Variants in FOXP2 observed in about 807,000 individuals in gnomAD.
FOXP2 encodes the protein forkhead box protein P2.
A neutral mutation model predicts 115.8 loss-of-function variants in FOXP2; 12 were observed. That is an observed-to-expected ratio of 0.10 (90% CI 0.07 to 0.17). The LOEUF (loss-of-function observed/expected upper bound fraction) is 0.17. Among genes scored for constraint, FOXP2 ranks in the 10% least tolerant of loss-of-function variants. FOXP2 has a pLI of 1.00. For missense variants in FOXP2, 629 were observed against 843.5 expected (o/e 0.75, Z 3.15); for synonymous variants, 328 against 297.7 (o/e 1.10, Z -1.05).
At chr7:114,351,147 G>T (rs1183396037) in intron 2 of FOXP2, among the ~76,000 whole-genome samples, 1 of 152,146 alleles carries the variant, frequency 6.6e-6, no homozygotes, top group East Asian at 1.9e-4. Flanking sequence ...GGACATAGAA[G>T]GCCAACTGTA....
chr7:114,435,481 T>G (rs1339277954), intron 2 of FOXP2, among the ~76,000 whole-genome samples: 2 of 152,142 alleles, frequency 1.3e-5, no homozygotes, highest in African/African-American at 4.8e-5. Context: ...GAGGTTGGAA[T>G]AGGTAGGCTA....
rs567003001 is a variant in FOXP2, at chr7:114,521,799, A to G, written c.169-12818A>G. Reference sequence around the variant, plus strand: ...TATGCTAATTTCAGTGTTATTTTAGATCACTAGTTGGTCCTCTACAGTCAT... The same window carrying G: ...TATGCTAATTTCAGTGTTATTTTAGGTCACTAGTTGGTCCTCTACAGTCAT... On this transcript the variant is annotated intron_variant, in intron 2 of 16. Coordinates refer to ENST00000350908, the MANE Select transcript of FOXP2 (RefSeq NM_014491.4). Among the ~76,000 whole-genome samples, 5 of 152,278 alleles carry G rather than the reference A, an allele frequency of 3.3e-5. No homozygotes were observed. In the South Asian group the frequency reaches 1.0e-3, roughly 32 times the overall value.
chr7:114,458,741 T>A (rs1195713353), intron 2 of FOXP2, among the ~76,000 whole-genome samples: 1 of 152,058 alleles, frequency 6.6e-6, no homozygotes, highest in Non-Finnish European at 1.5e-5. Flanking sequence ...CTGTTATTTT[T>A]CCACATTGCT....
At chr7:114,200,938 T>C (rs2129159524) in intron 1 of FOXP2, among the ~76,000 whole-genome samples, 1 of 152,206 alleles carries the variant, frequency 6.6e-6, no homozygotes, top group African/African-American at 2.4e-5. Flanking sequence ...GTGGATCACC[T>C]GAGGTCAGGT....
chr7:114,226,691 A>C (rs1444518262), intron 1 of FOXP2, among the ~76,000 whole-genome samples: 1 of 152,056 alleles, frequency 6.6e-6, no homozygotes, highest in East Asian at 1.9e-4. Context: ...CCATTTTATT[A>C]TCTCTTTTCC....
intron 2 of FOXP2, among the ~76,000 whole-genome samples, chr7:114,388,768 A>T (rs1356379467): frequency 7.6e-6 from 1 of 131,236 alleles, no homozygotes; most frequent in Non-Finnish European, 1.7e-5. Context: ...TAGACAACTT[A>T]ACAGCATAGA....
chr7:114,517,364 A>G (rs1270767698), intron 2 of FOXP2, among the ~76,000 whole-genome samples: 1 of 151,928 alleles, frequency 6.6e-6, no homozygotes, highest in Non-Finnish European at 1.5e-5. Context: ...CCGTCGGTCT[A>G]TTTCTACTTA....
At chr7:114,275,759 T>C (rs1796171441) in intron 1 of FOXP2, among the ~76,000 whole-genome samples, 1 of 152,240 alleles carries the variant, frequency 6.6e-6, no homozygotes, top group Non-Finnish European at 1.5e-5. Flanking sequence ...TCTTGATAGC[T>C]GGACATGATG....
chr7:114,345,592 G>A (rs900357839), intron 2 of FOXP2, among the ~76,000 whole-genome samples: 2 of 151,634 alleles, frequency 1.3e-5, no homozygotes, highest in African/African-American at 4.8e-5. Context: ...TCCTAGTATG[G>A]CTGTTGAAAT....
intron 1 of FOXP2, among the ~76,000 whole-genome samples, chr7:114,151,690 G>GA (rs1792532552): frequency 6.6e-6 from 1 of 151,978 alleles, no homozygotes; most frequent in Non-Finnish European, 1.5e-5. Context: ...AAGAAAGTGA[G>GA]AAAAATTGTG....
At chr7:114,373,338 G>A (rs1021639805) in intron 2 of FOXP2, among the ~76,000 whole-genome samples, 1 of 152,044 alleles carries the variant, frequency 6.6e-6, no homozygotes, top group Non-Finnish European at 1.5e-5. Context: ...CTATTTTTAA[G>A]TTGCAAAAAA....
chr7:114,511,992 A>T lies in FOXP2; in HGVS notation c.169-22625A>T, dbSNP rs190654358. On this transcript the variant is annotated intron_variant, in intron 2 of 16. Transcript: ENST00000350908. ...GAATAGAATAAATTGCAATTTAAAT[A>T]ATCATACTATATGTCATTATTATTC... is the stretch of plus-strand genomic sequence containing the variant. 1.1e-3 allele frequency among the ~76,000 whole-genome samples: 169 copies of T among 152,304 alleles called. 1 individual carries two copies. Among genetic ancestry groups the T allele is most frequent in the African/African-American group, 3.9e-3 (163 of 41,594 alleles).
In FOXP2 at chr7:114,142,860, A is replaced by G. The variant is rs559591783; in HGVS notation, c.-246-20084A>G. 1.6e-4 allele frequency among the ~76,000 whole-genome samples: 24 copies of G among 152,132 alleles called. No individual in the cohort carries two copies. The South Asian group carries it at 4.8e-3, about 30-fold the overall frequency. On this transcript the variant is annotated intron_variant, in intron 1 of 19. Transcript: ENST00000635638. ...TTTTGAAAAAAAAAATTTAACGCCC[A>G]CTTCTGACCACGGATGGTGGCTCAT...
chr7:114,641,895 T>C (rs1805553280), intron 6 of FOXP2, among the ~76,000 whole-genome samples: 1 of 152,138 alleles, frequency 6.6e-6, no homozygotes, highest in Admixed American at 6.6e-5. Flanking sequence ...AACCTCTGCC[T>C]CCCAGGTTCA....
At chr7:114,470,969 G>T (rs1562945991) in intron 2 of FOXP2, among the ~76,000 whole-genome samples, 1 of 152,068 alleles carries the variant, frequency 6.6e-6, no homozygotes, top group Non-Finnish European at 1.5e-5. Flanking sequence ...CATTTTCAGG[G>T]ATGAGCTTAA....
intron 2 of FOXP2, among the ~76,000 whole-genome samples, chr7:114,533,656 A>T (rs537233653): frequency 2.8e-4 from 42 of 152,032 alleles, no homozygotes; most frequent in African/African-American, 9.9e-4. Flanking sequence ...GATTTAGTTT[A>T]GTTTTATGTG....
At chr7:114,115,717 A>G (rs1791390282) in intron 1 of FOXP2, among the ~76,000 whole-genome samples, 1 of 152,022 alleles carries the variant, frequency 6.6e-6, no homozygotes, top group Non-Finnish European at 1.5e-5. Flanking sequence ...CTGTTCTTTC[A>G]GTAAAGTTCA....
intron 2 of FOXP2, among the ~76,000 whole-genome samples, chr7:114,466,396 G>C (rs1795800066): frequency 6.6e-6 from 1 of 152,178 alleles, no homozygotes; most frequent in African/African-American, 2.4e-5. Flanking sequence ...TCTTTGTTCA[G>C]ATGTCTAAGT....
chr7:114,663,976 A>G (rs149743354), intron 15 of FOXP2, among the ~76,000 whole-genome samples: 68 of 152,288 alleles, frequency 4.5e-4, no homozygotes, highest in African/African-American at 1.6e-3. Flanking sequence ...GCAACTGCTT[A>G]TATTAAACTG....
Sources: allele counts gnomAD v4.1 joint callset (sites outside exome capture counted in the v4.1 genomes callset), GRCh38; gene constraint gnomAD v4.1.1; transcripts MANE v1.5; gene names NCBI Gene and HGNC (gene_info 2026-07-23, HGNC 2026-07-21).